Variants in NRXN3 observed in about 807,000 individuals in gnomAD.
The protein encoded by NRXN3 is neurexin III.
In NRXN3, 32 loss-of-function variants were observed where a neutral mutation model predicts 137.6. The ratio of observed to expected loss-of-function variants is 0.23; its 90% CI spans 0.18 to 0.31. NRXN3 has a LOEUF of 0.31. Ranked by LOEUF, NRXN3 falls within the 10% of genes least tolerant of loss-of-function variation. The probability of loss-of-function intolerance (pLI) is 1.00; values close to 1 mark genes in which losing one functional copy is unlikely to be tolerated. For synonymous variants in NRXN3, 798 were observed against 784.5 expected, an observed-to-expected ratio of 1.02 and a Z score of -0.29; for missense variants, 1,574 against 2,062.5, an observed-to-expected ratio of 0.76 and a Z score of 4.59.
At chr14:79,247,800 C>G (rs539173610) in intron 15 of NRXN3, among the ~76,000 whole-genome samples, 61 of 151,898 alleles carry the variant, frequency 4.0e-4, no homozygotes, top group Middle Eastern at 3.4e-3. Context: ...GGGCTAATGT[C>G]CTTAACCTTT....
At chr14:79,459,693 A>G (rs1189127480) in intron 15 of NRXN3, among the ~76,000 whole-genome samples, 2 of 152,060 alleles carry the variant, frequency 1.3e-5, no homozygotes, top group Non-Finnish European at 2.9e-5. Flanking sequence ...ATTATACTGT[A>G]TACTAAGATA....
chr14:79,225,657 C>A (rs1004939794), intron 15 of NRXN3, among the ~76,000 whole-genome samples: 10 of 151,956 alleles, frequency 6.6e-5, no homozygotes, highest in Middle Eastern at 3.2e-3. Context: ...CACTTTTTAC[C>A]CCCTGAATCT....
intron 15 of NRXN3, among the ~76,000 whole-genome samples, chr14:79,387,752 C>G (rs1358332156): frequency 6.6e-6 from 1 of 151,906 alleles, no homozygotes; most frequent in South Asian, 2.1e-4. Context: ...GGCACATATA[C>G]ACCATGGAAT....
At chr14:79,687,779 T>C (rs2098701307) in intron 17 of NRXN3, among the ~76,000 whole-genome samples, 1 of 152,182 alleles carries the variant, frequency 6.6e-6, no homozygotes, top group African/African-American at 2.4e-5. Context: ...AAGCCACTCT[T>C]TCTCAGCTTA....
intron 8 of NRXN3, among the ~76,000 whole-genome samples, chr14:78,739,235 C>T (rs1341389747): frequency 3.9e-5 from 6 of 152,350 alleles, no homozygotes; most frequent in Non-Finnish European, 7.3e-5. Context: ...AAGTTCCAAG[C>T]GAGGCAGCCC....
intron 20 of NRXN3, among the ~76,000 whole-genome samples, chr14:79,808,599 T>C (rs1205690421): frequency 1.3e-5 from 2 of 152,124 alleles, no homozygotes; most frequent in African/African-American, 4.8e-5. Context: ...TCATACTTAC[T>C]ACTTTATCTT....
chr14:79,569,080 G>T (rs1454336598), intron 16 of NRXN3, among the ~76,000 whole-genome samples: 5 of 151,982 alleles, frequency 3.3e-5, no homozygotes, highest in African/African-American at 4.8e-5. Flanking sequence ...TGTCAGGCAA[G>T]ATTTTGAAGT....
At chr14:79,671,436 C>G (rs2098607203) in intron 17 of NRXN3, among the ~76,000 whole-genome samples, 1 of 152,084 alleles carries the variant, frequency 6.6e-6, no homozygotes, top group Non-Finnish European at 1.5e-5. Flanking sequence ...TAGAAGTCAG[C>G]ATTTCCTTGG....
intron 10 of NRXN3, among the ~76,000 whole-genome samples, chr14:78,875,914 A>G (rs1339588433): frequency 6.6e-6 from 1 of 151,802 alleles, no homozygotes; most frequent in Non-Finnish European, 1.5e-5. Context: ...GAGAACAACT[A>G]CTCCCCTTGT....
intron 10 of NRXN3, among the ~76,000 whole-genome samples, chr14:78,875,590 C>A (rs758705447): frequency 1.7e-4 from 26 of 152,114 alleles, no homozygotes; most frequent in Non-Finnish European, 3.4e-4. Context: ...TTAAAGATAC[C>A]AACTCTCCAT....
chr14:79,177,224 G>A (rs937569223), intron 15 of NRXN3, among the ~76,000 whole-genome samples: 10 of 152,052 alleles, frequency 6.6e-5, no homozygotes, highest in Non-Finnish European at 1.3e-4. Flanking sequence ...CCTTTCTTTG[G>A]CATGTTTAAA....
At chr14:78,486,751 A>T (rs1010684829) in intron 4 of NRXN3, among the ~76,000 whole-genome samples, 1 of 152,076 alleles carries the variant, frequency 6.6e-6, no homozygotes, top group African/African-American at 2.4e-5. Flanking sequence ...GTGAACTTTT[A>T]TGGTTTTGTC....
chr14:79,853,641 A>C (rs1429980474), intron 20 of NRXN3: 2 of 1,337,188 alleles, frequency 1.5e-6, no homozygotes, highest in African/African-American at 3.0e-5. Flanking sequence ...TGTGTAGTTC[A>C]CTCATAGATA....
rs76178969 is a variant in NRXN3 at position 78,285,521 on chromosome 14, C to T, written c.727+6859C>T. ...CAGTAAAAAGTAGTGGAACAGAATG[C>T]AAACCCTGGTAGGTGCGGCCCAGGA... On this transcript the variant is annotated intron_variant, in intron 3 of 20. Transcript: ENST00000335750. Among the ~76,000 whole-genome samples, 250 of 152,232 alleles carry T rather than the reference C, an allele frequency of 1.6e-3. 7 individuals are homozygous for T. In the East Asian group the frequency reaches 0.042, roughly 25 times the overall value.
intron 15 of NRXN3, among the ~76,000 whole-genome samples, chr14:79,259,836 A>G (rs972349297): frequency 6.6e-6 from 1 of 151,932 alleles, no homozygotes; most frequent in Non-Finnish European, 1.5e-5. Flanking sequence ...GGTCATCTAC[A>G]TGGAGCACTG....
chr14:78,517,947 G>C (rs1308938657), intron 4 of NRXN3, among the ~76,000 whole-genome samples: 3 of 152,150 alleles, frequency 2.0e-5, no homozygotes, highest in Non-Finnish European at 4.4e-5. Flanking sequence ...CCAACTTCCT[G>C]TGCCTAAACT....
intron 15 of NRXN3, among the ~76,000 whole-genome samples, chr14:79,370,972 T>C (rs2094087467): frequency 6.6e-6 from 1 of 152,178 alleles, no homozygotes; most frequent in African/African-American, 2.4e-5. Flanking sequence ...TATGAAAACC[T>C]AAATATCATC....
At chr14:78,639,063 G>A (rs951098101) in intron 4 of NRXN3, among the ~76,000 whole-genome samples, 1 of 152,214 alleles carries the variant, frequency 6.6e-6, no homozygotes, top group Non-Finnish European at 1.5e-5. Context: ...GGTGGAGAAG[G>A]CACAATATAG....
intron 4 of NRXN3, among the ~76,000 whole-genome samples, chr14:78,582,056 G>A (rs1397467743): frequency 6.6e-6 from 1 of 152,186 alleles, no homozygotes; most frequent in African/African-American, 2.4e-5. Context: ...TCCATTATCT[G>A]TAAGGCTCAA....
Sources: gnomAD v4.1 joint callset for allele counts (sites outside exome capture counted in the v4.1 genomes callset) on GRCh38, gnomAD v4.1.1 for gene constraint, MANE v1.5 for transcripts, NCBI Gene and HGNC (gene_info 2026-07-23, HGNC 2026-07-21) for gene names.